Variants in BROX observed in about 807,000 individuals in gnomAD.
BROX encodes BRO1 domain and CAAX motif containing.
Under a neutral mutation model 61.0 loss-of-function variants are expected in BROX, and 53 were observed. That is an observed-to-expected ratio of 0.87 (90% confidence interval 0.70 to 1.09). The LOEUF (loss-of-function observed/expected upper bound fraction) is 1.09. Ranked by LOEUF, BROX falls within the 50% of genes least tolerant of loss-of-function variation. BROX has a pLI of 0.00. For synonymous variants in BROX, 152 were observed against 160.2 expected (o/e 0.95, Z 0.38); for missense variants, 489 against 472.0 (o/e 1.04, Z -0.33).
chr1:222,732,844 C>T lies in BROX; in HGVS notation c.*130C>T, dbSNP rs1658043483. ...TTATATTCAGAGGGTTATCTGCCTTCAGCTTACTTGTTCTTAATTTTTAAT... is the reference window on the plus strand; with the variant it reads ...TTATATTCAGAGGGTTATCTGCCTTTAGCTTACTTGTTCTTAATTTTTAAT... On this transcript the variant is annotated 3_prime_UTR_variant, in exon 13 of 13. Transcript: ENST00000340934. 1.4e-6 allele frequency: 1 copy of T among 702,544 alleles called. No individual in the cohort carries two copies. Among genetic ancestry groups the T allele is most frequent in the Middle Eastern group, 2.7e-4 (1 of 3,700 alleles). 43.5% of individuals were successfully genotyped at this position (702,544 alleles called of 1,614,324 possible).
intron 1 of BROX, 125 bp downstream of exon 1, chr1:222,713,067 C>T: frequency 9.6e-7 from 1 of 1,043,426 alleles, no homozygotes; most frequent in Non-Finnish European, 1.2e-6. Flanking sequence ...GACCAAAAGT[C>T]TCCTTCTAGT....
chr1:222,732,848 T>G lies in BROX; in HGVS notation c.*134T>G. 1.5e-6 allele frequency: 1 copy of G among 669,872 alleles called. No individual in the cohort carries two copies. The highest frequency in any genetic ancestry group is 2.1e-5 in the South Asian group (1 of 46,606). The allele number at this position is 669,872 out of a possible 1,614,324, so 41.5% of individuals were successfully genotyped here. A position where few individuals can be genotyped will look rare whatever the true frequency, so the allele number is the denominator to read the frequency against. ...ATTCAGAGGGTTATCTGCCTTCAGC[T>G]TACTTGTTCTTAATTTTTAATACAG... On this transcript the variant is annotated 3_prime_UTR_variant, in exon 13 of 13. Coordinates refer to ENST00000340934, the MANE Select transcript of BROX (RefSeq NM_144695.4).
chr1:222,720,596 G>C (rs540372100), intron 4 of BROX, among the ~76,000 whole-genome samples: 3 of 152,244 alleles, frequency 2.0e-5, no homozygotes, highest in East Asian at 3.9e-4. Context: ...CAGATCACTT[G>C]AGTTCAGGAG....
intron 2 of BROX, among the ~76,000 whole-genome samples, chr1:222,716,530 T>G (rs1483664931): frequency 6.6e-6 from 1 of 152,228 alleles, no homozygotes; most frequent in African/African-American, 2.4e-5. Context: ...TTGAATGAAT[T>G]GTATGGCTTA....
In BROX at chr1:222,718,919, T is replaced by TA. The variant is rs754105375; in HGVS notation, c.102-5dup. 1 of 1,611,306 alleles carries TA rather than the reference T, an allele frequency of 6.2e-7. No individual in the cohort carries two copies. The highest frequency in any genetic ancestry group is 8.5e-7 in the Non-Finnish European group (1 of 1,177,972). Reference sequence around the variant, plus strand: ...AACTTTACTGTCTTTTTGTATCTCTTATAAGTGACTTGAGGTCATCCAGGG... The same window carrying TA: ...AACTTTACTGTCTTTTTGTATCTCTTAATAAGTGACTTGAGGTCATCCAGGG... On this transcript the variant is annotated splice_polypyrimidine_tract_variant and splice_region_variant and intron_variant, in intron 2 of 12. Coordinates refer to ENST00000340934, the MANE Select transcript of BROX (RefSeq NM_144695.4).
chr1:222,722,525 A>G lies in BROX; in HGVS notation c.401+11A>G, dbSNP rs762353532. The G allele has an allele frequency of 4.5e-6, 7 of 1,556,114 alleles. No individual in the cohort carries two copies. In the South Asian group the frequency reaches 6.7e-5, roughly 15 times the overall value. ...GGCTGGAAAAGAAAAGTAAGTTAATAGGAGAGGATTGTGTACATCTGTGTT... is the reference window on the plus strand; with the variant it reads ...GGCTGGAAAAGAAAAGTAAGTTAATGGGAGAGGATTGTGTACATCTGTGTT... On this transcript the variant is annotated intron_variant, in intron 5 of 12. Transcript: ENST00000340934.
At chr1:222,718,563 C>G (rs1203404521) in intron 2 of BROX, among the ~76,000 whole-genome samples, 1 of 152,034 alleles carries the variant, frequency 6.6e-6, no homozygotes, top group African/African-American at 2.4e-5. Context: ...CTTCTTTCCC[C>G]ACATCTTAAG....
intron 2 of BROX, among the ~76,000 whole-genome samples, chr1:222,716,423 A>G (rs1320690465): frequency 1.3e-5 from 2 of 152,214 alleles, no homozygotes; most frequent in African/African-American, 4.8e-5. Flanking sequence ...TAAATTGGCC[A>G]CATATTAAAC....
Position 222,732,732 on chromosome 1 carries a change from G to T in BROX, c.*18G>T, listed in dbSNP as rs776603337. On this transcript the variant is annotated 3_prime_UTR_variant, in exon 13 of 13. Transcript: ENST00000340934. ...TCTCCTAAAATACAACTTGCACTTA[G>T]AATTTCTCTAGCAGTAAATAAGATA... 2.1e-5 allele frequency: 33 copies of T among 1,572,050 alleles called. No individual in the cohort carries two copies. In the Admixed American group the frequency reaches 5.7e-4, roughly 27 times the overall value.
intron 8 of BROX, among the ~76,000 whole-genome samples, chr1:222,728,408 G>C (rs1044734231): frequency 6.6e-6 from 1 of 152,070 alleles, no homozygotes; most frequent in African/African-American, 2.4e-5. Context: ...TATTTGTTTT[G>C]CTATATTATA....
intron 8 of BROX, among the ~76,000 whole-genome samples, 165 bp from the exon 9 acceptor site, chr1:222,728,578 T>C (rs1360181898): frequency 6.6e-6 from 1 of 152,146 alleles, no homozygotes; most frequent in Non-Finnish European, 1.5e-5. Context: ...ACTTAAAGTA[T>C]AGATTTGGTA....
At chr1:222,713,516 A>ATGTTGAATACAACATTCGG in intron 1 of BROX, 1 of 885,122 alleles carries the variant, frequency 1.1e-6, no homozygotes, top group Non-Finnish European at 1.4e-6. Context: ...TTCGATCCGA[A>ATGTTGAATACAACATTCGG]TGTTGTATTG....
intron 4 of BROX, 92 bp from the exon 5 acceptor site, chr1:222,722,327 T>G: frequency 9.7e-7 from 1 of 1,027,574 alleles, no homozygotes; most frequent in Non-Finnish European, 1.5e-6. Flanking sequence ...TAGCATATAC[T>G]TCTTTGTAAT....
chr1:222,712,942 G>C lies in BROX; in HGVS notation c.-17G>C. 2 of 1,188,552 alleles carry C rather than the reference G, an allele frequency of 1.7e-6. No homozygotes were observed. Among genetic ancestry groups the C allele is most frequent in the South Asian group, 1.6e-5 (1 of 64,254 alleles). 73.6% of individuals were successfully genotyped at this position (1,188,552 alleles called of 1,614,324 possible). On this transcript the variant is annotated splice_region_variant and 5_prime_UTR_variant, in exon 1 of 13. Coordinates refer to ENST00000340934, the MANE Select transcript of BROX (RefSeq NM_144695.4). Reference sequence around the variant, plus strand: ...CTGCTGAACCGACTCTGAGAAATTTGGTAAGTATGTCAGAGGATGGGTGTT... The same window carrying C: ...CTGCTGAACCGACTCTGAGAAATTTCGTAAGTATGTCAGAGGATGGGTGTT...
intron 4 of BROX, among the ~76,000 whole-genome samples, chr1:222,721,373 C>CT (rs199661132): frequency 0.011 from 1,434 of 131,482 alleles, 13 homozygotes; most frequent in East Asian, 0.024. Context: ...TTTTATAACA[C>CT]TTTTTTTTTT....
chr1:222,719,203 A>G (rs1319706252), intron 3 of BROX, 60 bp from the exon 4 acceptor site: 1 of 1,379,172 alleles, frequency 7.3e-7, no homozygotes, highest in African/African-American at 1.5e-5. Flanking sequence ...TTTTCCAAAC[A>G]GAACACTCAA....
At position 222,728,737 on chromosome 1, in the gene BROX, C is replaced by G. The variant is rs747193380; in HGVS notation, c.671-6C>G. ...TTATATTTTGCTTTTTAAAATGTAA[C>G]TTTAGATCATACTTTATCCAGTTTG... On this transcript the variant is annotated splice_region_variant and splice_polypyrimidine_tract_variant and intron_variant, in intron 8 of 12. Transcript: ENST00000340934. The G allele has an allele frequency of 6.4e-7, 1 of 1,568,544 alleles. No individual in the cohort carries two copies. Among genetic ancestry groups the G allele is most frequent in the East Asian group, 2.3e-5 (1 of 44,320 alleles).
At chr1:222,714,250 C>T (rs1352713853) in intron 1 of BROX, among the ~76,000 whole-genome samples, 2 of 138,996 alleles carry the variant, frequency 1.4e-5, no homozygotes, top group Non-Finnish European at 3.0e-5. Context: ...CTCCCTCTGT[C>T]GCCCAGGCTG....
chr1:222,725,566 T>C lies in BROX; in HGVS notation c.580+11T>C. 1 of 1,563,394 alleles carries C rather than the reference T, an allele frequency of 6.4e-7. No individual in the cohort carries two copies. Among genetic ancestry groups the C allele is most frequent in the Admixed American group, 1.9e-5 (1 of 51,510 alleles). On this transcript the variant is annotated intron_variant, in intron 7 of 12. Transcript: ENST00000340934. ...CTGAAGCTCAAGAAGGTATCCTAAA[T>C]ATTGTAAGATTTTTTTAAATGAAAG...
Sources: allele counts gnomAD v4.1 joint callset (sites outside exome capture counted in the v4.1 genomes callset), GRCh38; gene constraint gnomAD v4.1.1; transcripts MANE v1.5; gene names NCBI Gene and HGNC (gene_info 2026-07-23, HGNC 2026-07-21).